SCN1A: variants seen among roughly 807,000 people sequenced by gnomAD.
SCN1A encodes the protein sodium voltage-gated channel alpha subunit 1.
Under a neutral mutation model 193.7 loss-of-function variants are expected in SCN1A, and 13 were observed. That is an observed-to-expected ratio of 0.07 (90% CI 0.04 to 0.11). The LOEUF is 0.11. Ranked by LOEUF, SCN1A falls within the 10% of genes least tolerant of loss-of-function variation. The pLI is 1.00. For synonymous variants in SCN1A, 781 were observed against 843.6 expected, an observed-to-expected ratio of 0.93 and a Z score of 1.29; for missense variants, 1,432 against 2,451.1, an observed-to-expected ratio of 0.58 and a Z score of 8.78.
intron 19 of SCN1A, among the ~76,000 whole-genome samples, chr2:166,033,805 C>G (rs1219527219): frequency 1.3e-5 from 2 of 151,904 alleles, no homozygotes; most frequent in Non-Finnish European, 2.9e-5. Flanking sequence ...AAATGTATAT[C>G]TTATGGATGG....
chr2:166,076,838 CA>C (rs55783230), intron 3 of SCN1A, among the ~76,000 whole-genome samples: 57,964 of 147,568 alleles, frequency 0.39, 11,562 homozygotes, highest in East Asian at 0.69. Flanking sequence ...CATCCAAATG[CA>C]AAAAAAAAAA....
chr2:166,033,694 G>A (rs1695938004), intron 19 of SCN1A, among the ~76,000 whole-genome samples: 1 of 152,082 alleles, frequency 6.6e-6, no homozygotes, highest in African/African-American at 2.4e-5. Flanking sequence ...TACCTCTAGT[G>A]CTTCAGTGGA....
intron 21 of SCN1A, 100 bp downstream of exon 21, chr2:166,013,644 G>A (rs560701617): frequency 2.9e-6 from 3 of 1,049,142 alleles, no homozygotes; most frequent in East Asian, 2.5e-5. Context: ...AATTAAAAAT[G>A]CATTGGATAC....
chr2:165,999,984 A>T, intron 24 of SCN1A: 1 of 591,738 alleles, frequency 1.7e-6, no homozygotes. Context: ...GCCATTTGAT[A>T]TATCCTCCCC....
At chr2:166,136,168 A>T (rs1312039933) in intron 1 of SCN1A, among the ~76,000 whole-genome samples, 1 of 152,180 alleles carries the variant, frequency 6.6e-6, no homozygotes, top group Non-Finnish European at 1.5e-5. Flanking sequence ...TCATGACATC[A>T]AAGTCACCTG....
At chr2:166,119,580 G>A (rs549411892) in intron 2 of SCN1A, among the ~76,000 whole-genome samples, 1 of 152,038 alleles carries the variant, frequency 6.6e-6, no homozygotes, top group Non-Finnish European at 1.5e-5. Flanking sequence ...CTTAAAATTC[G>A]TGCTGAGTTC....
chr2:166,138,251 G>A (rs1371004419), intron 1 of SCN1A, among the ~76,000 whole-genome samples: 2 of 152,226 alleles, frequency 1.3e-5, no homozygotes, highest in African/African-American at 2.4e-5. Context: ...GCAGAAATTT[G>A]CATAAGCAAT....
chr2:166,112,093 G>A (rs956058928), intron 2 of SCN1A, among the ~76,000 whole-genome samples: 10 of 152,302 alleles, frequency 6.6e-5, no homozygotes, highest in Middle Eastern at 3.4e-3. Flanking sequence ...TGAAAGCATT[G>A]ACTCCAATTT....
At chr2:166,052,192 T>TCATATCC (rs1698651214) in intron 8 of SCN1A, among the ~76,000 whole-genome samples, 1 of 152,024 alleles carries the variant, frequency 6.6e-6, no homozygotes, top group African/African-American at 2.4e-5. Context: ...AAATGAAGAT[T>TCATATCC]CATATCCCAT....
rs1393610436 is a variant in SCN1A at position 165,987,713 on chromosome 2, C to A, written c.*3532G>T. 2 of 152,112 alleles carry A rather than the reference C, an allele frequency of 1.3e-5. No individual in the cohort carries two copies. The highest frequency in any genetic ancestry group is 2.1e-4 in the South Asian group (1 of 4,828). 9.4% of individuals were successfully genotyped at this position (152,112 alleles called of 1,614,324 possible). A position where few individuals can be genotyped will look rare whatever the true frequency, so the allele number is the denominator to read the frequency against. On this transcript the variant is annotated 3_prime_UTR_variant, in exon 29 of 29. Transcript: ENST00000674923. ...GTCTTACTGACATGACCTCATCATT[C>A]TTTGAAGAATAATTACTTTTTAGCA...
intron 2 of SCN1A, among the ~76,000 whole-genome samples, chr2:166,118,450 T>C (rs968680035): frequency 7.3e-5 from 11 of 151,614 alleles, no homozygotes; most frequent in Admixed American, 2.0e-4. Context: ...TTTGTACAAG[T>C]TGATTGACCC....
At position 165,998,103 on chromosome 2, in the gene SCN1A, A is replaced by T; in HGVS notation, c.4411T>A (p.Ser1471Thr). The change falls in exon 26 of 29, where the codon TCC becomes ACC. Residue 1471 changes from serine to threonine, a missense_variant. Coordinates refer to ENST00000674923, the MANE Select transcript of SCN1A (RefSeq NM_001165963.4). ...ATAAACAGGTTCAAGGTGAAGAAGGACCCAAAGATGATGAAAATAACAAAG... is the reference window on the plus strand; with the variant it reads ...ATAAACAGGTTCAAGGTGAAGAAGGTCCCAAAGATGATGAAAATAACAAAG... ...LYFVIFIIFG[S>T]FFTLNLFIGV... The T allele has an allele frequency of 6.2e-7, 1 of 1,605,742 alleles. No individual in the cohort carries two copies.
intron 2 of SCN1A, among the ~76,000 whole-genome samples, chr2:166,096,292 T>G (rs1202274023): frequency 1.3e-5 from 2 of 152,212 alleles, no homozygotes; most frequent in African/African-American, 4.8e-5. Flanking sequence ...ACTTTTTTTT[T>G]TGGTTGTTGT....
At position 166,045,269 on chromosome 2, in the gene SCN1A, A is replaced by G. The variant is rs1697679015; in HGVS notation, c.1436T>C (p.Leu479Pro). The G allele has an allele frequency of 5.0e-6, 8 of 1,614,148 alleles. No individual in the cohort carries two copies. Among genetic ancestry groups the G allele is most frequent in the Non-Finnish European group, 6.8e-6 (8 of 1,180,024 alleles). Reference sequence around the variant, plus strand: ...AGAGGCTTCAGATGAGCTGTCTGAGAGCCTGCCTGCTGCACTGGGCTCTCT... The same window carrying G: ...AGAGGCTTCAGATGAGCTGTCTGAGGGCCTGCCTGCTGCACTGGGCTCTCT... Reference protein sequence around the residue: ...HSREPSAAGRLSDSSSEASKL... With the variant: ...HSREPSAAGRPSDSSSEASKL... Residue 479 changes from leucine to proline, a missense_variant, in exon 13 of 29, where the codon CTC becomes CCC. Around this residue, in one of 18 missense-constraint regions of SCN1A, gnomAD observed 58 missense variants for 103.4 expected, o/e 0.56. Coordinates refer to ENST00000674923, the MANE Select transcript of SCN1A (RefSeq NM_001165963.4).
chr2:166,100,018 A>T (rs71426795), intron 2 of SCN1A, among the ~76,000 whole-genome samples: 3,337 of 109,342 alleles, frequency 0.031, 32 homozygotes, highest in Middle Eastern at 0.096. Context: ...ACTACTTTAA[A>T]GTTCATATGG....
At chr2:166,102,603 T>C in intron 2 of SCN1A, among the ~76,000 whole-genome samples, 1 of 151,230 alleles carries the variant, frequency 6.6e-6, no homozygotes, top group East Asian at 1.9e-4. Flanking sequence ...GTGGTGAGAA[T>C]GGATATTAGT....
intron 2 of SCN1A, among the ~76,000 whole-genome samples, chr2:166,085,788 T>C (rs529281029): frequency 6.6e-6 from 1 of 152,244 alleles, no homozygotes; most frequent in South Asian, 2.1e-4. Context: ...ATTCATTTGG[T>C]TCAGATTCTG....
chr2:166,038,027 T>C lies in SCN1A; in HGVS notation c.2695A>G (p.Ile899Val), dbSNP rs778340657. 1.9e-6 allele frequency: 3 copies of C among 1,614,224 alleles called. No homozygotes were observed. Among genetic ancestry groups the C allele is most frequent in the Non-Finnish European group, 2.5e-6 (3 of 1,180,040 alleles). The change falls in exon 18 of 29, where the codon ATC (isoleucine) becomes GTC (valine). Residue 899 changes from isoleucine to valine, a missense_variant. Coordinates refer to ENST00000674923, the MANE Select transcript of SCN1A (RefSeq NM_001165963.4). ...ALGNLTLVLA[I>V]IVFIFAVVGM... ...ACCACGGCAAAAATGAAGACGATGATGGCCAAGACGAGGGTTAAATTTCCC... is the reference window on the plus strand; with the variant it reads ...ACCACGGCAAAAATGAAGACGATGACGGCCAAGACGAGGGTTAAATTTCCC...
chr2:166,055,211 A>G (rs1699008726), intron 6 of SCN1A, among the ~76,000 whole-genome samples: 1 of 151,408 alleles, frequency 6.6e-6, no homozygotes, highest in Non-Finnish European at 1.5e-5. Context: ...TTTCTACAAG[A>G]TAATTTAACT....
Sources: gnomAD v4.1 joint callset for allele counts (sites outside exome capture counted in the v4.1 genomes callset) on GRCh38, gnomAD v4.1.1 for gene constraint, gnomAD v4.1.1 regional missense constraint, MANE v1.5 for transcripts, NCBI Gene and HGNC (gene_info 2026-07-23, HGNC 2026-07-21) for gene names.